The following SLC24A3 variants were observed in gnomAD, a reference collection of about 807,000 sequenced individuals.
The protein encoded by SLC24A3 is sodium/potassium/calcium exchanger 3.
Under a neutral mutation model 75.8 loss-of-function variants are expected in SLC24A3, and 28 were observed. The ratio of observed to expected loss-of-function variants is 0.37; its 90% confidence interval spans 0.27 to 0.51. The LOEUF is 0.51. Ranked by LOEUF, SLC24A3 falls within the 20% of genes least tolerant of loss-of-function variation. SLC24A3 has a pLI of 0.94. For missense variants in SLC24A3, 663 were observed against 847.8 expected, an observed-to-expected ratio of 0.78 and a Z score of 2.71; for synonymous variants, 372 against 334.1, an observed-to-expected ratio of 1.11 and a Z score of -1.24.
chr20:19,626,857 C>G (rs761279321), intron 6 of SLC24A3, among the ~76,000 whole-genome samples: 4 of 152,162 alleles, frequency 2.6e-5, no homozygotes, highest in Non-Finnish European at 5.9e-5. Flanking sequence ...TTGATCATTC[C>G]TCATCCCTTG....
At chr20:19,614,807 A>G (rs139843800) in intron 6 of SLC24A3, among the ~76,000 whole-genome samples, 1,633 of 152,312 alleles carry the variant, frequency 0.011, 17 homozygotes, top group Middle Eastern at 0.041. Flanking sequence ...CACTCTGCTA[A>G]GAACACTAAG....
chr20:19,591,053 G>A (rs62200271), intron 6 of SLC24A3, among the ~76,000 whole-genome samples: 6,144 of 151,956 alleles, frequency 0.04, 160 homozygotes, highest in South Asian at 0.083. Context: ...ACCCCCTCAA[G>A]GCCAGGTCCT....
chr20:19,609,984 A>G (rs1437502277), intron 6 of SLC24A3, among the ~76,000 whole-genome samples: 1 of 152,214 alleles, frequency 6.6e-6, no homozygotes, highest in Non-Finnish European at 1.5e-5. Context: ...TCACTGAGTC[A>G]ATACATCTTG....
intron 2 of SLC24A3, among the ~76,000 whole-genome samples, chr20:19,429,770 G>T (rs1987070148): frequency 6.6e-6 from 1 of 152,174 alleles, no homozygotes; most frequent in African/African-American, 2.4e-5. Flanking sequence ...GAGTTCAGTT[G>T]TCCCATTTTT....
chr20:19,516,325 G>A (rs941570822), intron 3 of SLC24A3, among the ~76,000 whole-genome samples: 2 of 152,188 alleles, frequency 1.3e-5, no homozygotes, highest in African/African-American at 4.8e-5. Flanking sequence ...AAATCTCTGA[G>A]CCAAATTCTC....
intron 9 of SLC24A3, among the ~76,000 whole-genome samples, chr20:19,681,636 A>C (rs558079742): frequency 5.4e-4 from 83 of 152,360 alleles, no homozygotes; most frequent in African/African-American, 1.9e-3. Flanking sequence ...TATTTCTATA[A>C]TGGTGGTTTT....
At chr20:19,274,747 C>A (rs2122215428) in intron 1 of SLC24A3, among the ~76,000 whole-genome samples, 1 of 152,272 alleles carries the variant, frequency 6.6e-6, no homozygotes, top group South Asian at 2.1e-4. Flanking sequence ...GGAAAGGGGT[C>A]ATTTGGAGAG....
intron 13 of SLC24A3, chr20:19,694,676 C>G (rs531827689): frequency 2.6e-5 from 4 of 152,322 alleles, no homozygotes; most frequent in African/African-American, 9.6e-5. Flanking sequence ...AACCAGCGGG[C>G]TAACTGACCT....
At chr20:19,597,567 T>C (rs538363232) in intron 6 of SLC24A3, among the ~76,000 whole-genome samples, 1 of 152,352 alleles carries the variant, frequency 6.6e-6, no homozygotes, top group East Asian at 1.9e-4. Context: ...TTTCTACATG[T>C]TGGGAACGTT....
chr20:19,650,784 A>G (rs1463450295), intron 6 of SLC24A3, among the ~76,000 whole-genome samples: 1 of 152,130 alleles, frequency 6.6e-6, no homozygotes, highest in Non-Finnish European at 1.5e-5. Flanking sequence ...TTTGGAGCAC[A>G]GTTCTGTGTT....
At chr20:19,464,509 A>G (rs1987732389) in intron 2 of SLC24A3, among the ~76,000 whole-genome samples, 1 of 152,256 alleles carries the variant, frequency 6.6e-6, no homozygotes, top group African/African-American at 2.4e-5. Context: ...TGGGTAAGGA[A>G]TGATCACATA....
At chr20:19,438,468 G>A (rs1002658329) in intron 2 of SLC24A3, among the ~76,000 whole-genome samples, 1 of 152,138 alleles carries the variant, frequency 6.6e-6, no homozygotes, top group African/African-American at 2.4e-5. Flanking sequence ...TCCCTACATG[G>A]TAGGTAGTGT....
chr20:19,601,945 G>C (rs2031532540), intron 6 of SLC24A3, among the ~76,000 whole-genome samples: 1 of 152,180 alleles, frequency 6.6e-6, no homozygotes, highest in Non-Finnish European at 1.5e-5. Context: ...GGCTGAGGCG[G>C]ACGGATCACC....
At chr20:19,710,661 C>A (rs984896164) in intron 15 of SLC24A3, among the ~76,000 whole-genome samples, 1 of 152,166 alleles carries the variant, frequency 6.6e-6, no homozygotes. Flanking sequence ...CAACACTGTG[C>A]AGGCCTGTCC....
chr20:19,487,238 T>C (rs10485591), intron 2 of SLC24A3, among the ~76,000 whole-genome samples: 8,899 of 152,214 alleles, frequency 0.058, 774 homozygotes, highest in African/African-American at 0.19. Context: ...CCCTGTAATA[T>C]GATAAGGAAG....
chr20:19,478,770 C>T (rs189111293), intron 2 of SLC24A3, among the ~76,000 whole-genome samples: 5 of 152,318 alleles, frequency 3.3e-5, no homozygotes, highest in East Asian at 3.9e-4. Context: ...CTCTGCCCAT[C>T]TCATTCATGT....
intron 4 of SLC24A3, among the ~76,000 whole-genome samples, chr20:19,583,080 C>T (rs1409845831): frequency 6.6e-6 from 1 of 152,148 alleles, no homozygotes. Flanking sequence ...GAAACTAGAT[C>T]ACACACAGCA....
chr20:19,460,357 G>A (rs988687367), intron 2 of SLC24A3, among the ~76,000 whole-genome samples: 3 of 152,040 alleles, frequency 2.0e-5, no homozygotes, highest in Admixed American at 6.6e-5. Context: ...ACTATGCCCC[G>A]TCTTTCCTGC....
intron 2 of SLC24A3, among the ~76,000 whole-genome samples, chr20:19,424,553 T>C (rs1600475512): frequency 2.0e-5 from 3 of 151,418 alleles, no homozygotes; most frequent in Middle Eastern, 3.4e-3. Flanking sequence ...AGCCGAGTGG[T>C]AGTGGTGTGT....
Sources: allele counts gnomAD v4.1 joint callset (sites outside exome capture counted in the v4.1 genomes callset), GRCh38; gene constraint gnomAD v4.1.1; transcripts MANE v1.5; gene names NCBI Gene and HGNC (gene_info 2026-07-23, HGNC 2026-07-21).